TPRG1: variants seen among roughly 807,000 people sequenced by gnomAD.
The protein encoded by TPRG1 is tumor protein p63 regulated 1, also known as tumor protein p63-regulated gene 1 protein.
In TPRG1, 29 loss-of-function variants were observed where a neutral mutation model predicts 29.3. That is an observed-to-expected ratio of 0.99 (90% CI 0.74 to 1.35). The LOEUF (loss-of-function observed/expected upper bound fraction) is 1.35. Among genes scored for constraint, TPRG1 ranks in the 40% most tolerant of loss-of-function variants. TPRG1 has a pLI of 0.00. For synonymous variants in TPRG1, 130 were observed against 116.8 expected (o/e 1.11, Z -0.73); for missense variants, 327 against 335.0 (o/e 0.98, Z 0.19).
chr3:189,152,170 T>C (rs187241387), intron 5 of TPRG1, among the ~76,000 whole-genome samples: 16 of 136,036 alleles, frequency 1.2e-4, no homozygotes, highest in African/African-American at 4.7e-4. Flanking sequence ...TTAAGATCTG[T>C]TTTTTTTTTA....
rs912428688 is a variant in TPRG1 at position 189,250,516 on chromosome 3, C to G, written c.479+11607C>G. ...AGTTCTGATTTCCGCCCCCCCCCCC[C>G]CACCCAGATTAAAGCTTTTGTTAAC... On this transcript the variant is annotated intron_variant, in intron 4 of 5. Coordinates refer to ENST00000345063, the MANE Select transcript of TPRG1 (RefSeq NM_198485.4). Among the ~76,000 whole-genome samples, 3 of 108,364 alleles carry G rather than the reference C, an allele frequency of 2.8e-5. 1 individual carries two copies. Among genetic ancestry groups the G allele is most frequent in the South Asian group, 4.9e-4 (1 of 2,050 alleles). 71.1% of individuals were successfully genotyped at this position (108,364 alleles called of 152,430 possible).
chr3:189,068,665 A>G (rs1716615110), intron 4 of TPRG1, among the ~76,000 whole-genome samples: 1 of 152,088 alleles, frequency 6.6e-6, no homozygotes, highest in Non-Finnish European at 1.5e-5. Context: ...AATCCCAGGT[A>G]CTCAGGAGGT....
intron 1 of TPRG1, among the ~76,000 whole-genome samples, chr3:189,204,212 T>C (rs1162558145): frequency 6.6e-6 from 1 of 152,206 alleles, no homozygotes; most frequent in African/African-American, 2.4e-5. Flanking sequence ...AATGAGTTTG[T>C]TGCAGGGGAT....
chr3:189,028,744 G>A (rs1713789536), intron 4 of TPRG1, among the ~76,000 whole-genome samples: 1 of 152,128 alleles, frequency 6.6e-6, no homozygotes, highest in South Asian at 2.1e-4. Flanking sequence ...GTATGGTAAG[G>A]CCAATAAATA....
At chr3:189,153,471 G>T (rs1050334098) in intron 5 of TPRG1, among the ~76,000 whole-genome samples, 18 of 152,116 alleles carry the variant, frequency 1.2e-4, no homozygotes, top group African/African-American at 4.3e-4. Flanking sequence ...CTGGAGAATT[G>T]TTCCAATCTG....
chr3:189,276,124 G>T (rs1716096173), intron 4 of TPRG1, among the ~76,000 whole-genome samples: 1 of 152,204 alleles, frequency 6.6e-6, no homozygotes, highest in South Asian at 2.1e-4. Context: ...ACACTGAGAG[G>T]GGAAGGCAAG....
chr3:189,271,201 G>A (rs1715067665), intron 4 of TPRG1, among the ~76,000 whole-genome samples: 2 of 152,190 alleles, frequency 1.3e-5, no homozygotes, highest in Non-Finnish European at 2.9e-5. Context: ...GTAACACAGT[G>A]CCTTGAAGGG....
intron 2 of TPRG1, among the ~76,000 whole-genome samples, chr3:189,002,149 T>C (rs1014338247): frequency 6.6e-6 from 1 of 152,218 alleles, no homozygotes; most frequent in Admixed American, 6.5e-5. Context: ...AGGATGGGTA[T>C]AAATTGAAGA....
intron 4 of TPRG1, among the ~76,000 whole-genome samples, chr3:189,305,424 G>C (rs1577019088): frequency 6.6e-6 from 1 of 152,200 alleles, no homozygotes; most frequent in Admixed American, 6.5e-5. Flanking sequence ...CCAACCTGTA[G>C]CTGCTTTTTG....
At chr3:189,004,933 A>C (rs1363418222) in intron 3 of TPRG1, among the ~76,000 whole-genome samples, 1 of 152,114 alleles carries the variant, frequency 6.6e-6, no homozygotes, top group African/African-American at 2.4e-5. Context: ...TGATACAGAC[A>C]TGCAATGTGA....
intron 3 of TPRG1, among the ~76,000 whole-genome samples, chr3:189,137,928 T>A (rs150930365): frequency 1.3e-5 from 2 of 152,144 alleles, no homozygotes; most frequent in Non-Finnish European, 2.9e-5. Flanking sequence ...AGCTGGAAGA[T>A]GTAGCCTTAG....
chr3:189,013,294 A>G (rs1712701984), intron 3 of TPRG1, among the ~76,000 whole-genome samples: 1 of 152,162 alleles, frequency 6.6e-6, no homozygotes, highest in Admixed American at 6.6e-5. Flanking sequence ...TTCATTCAGG[A>G]GCAGGTTGTT....
At chr3:189,028,703 G>A (rs1713787323) in intron 4 of TPRG1, among the ~76,000 whole-genome samples, 2 of 152,130 alleles carry the variant, frequency 1.3e-5, no homozygotes, top group Non-Finnish European at 2.9e-5. Context: ...TGATGTAGTA[G>A]GGGTAAGATG....
chr3:189,039,975 A>G (rs1192069949), intron 4 of TPRG1, among the ~76,000 whole-genome samples: 3 of 152,132 alleles, frequency 2.0e-5, no homozygotes, highest in Non-Finnish European at 4.4e-5. Context: ...AAACCTCAAG[A>G]ATCTACTGGA....
chr3:189,175,288 G>A (rs185895836), intron 1 of TPRG1, among the ~76,000 whole-genome samples: 66 of 152,220 alleles, frequency 4.3e-4, no homozygotes, highest in Non-Finnish European at 7.8e-4. Context: ...CTCAATAGAC[G>A]TGAGAAGAGT....
intron 4 of TPRG1, among the ~76,000 whole-genome samples, chr3:189,265,084 G>T (rs2109056187): frequency 6.6e-6 from 1 of 152,316 alleles, no homozygotes; most frequent in African/African-American, 2.4e-5. Context: ...GAAGCCATTT[G>T]AATTTTGACA....
At chr3:189,176,071 G>T (rs1383108373) in intron 1 of TPRG1, among the ~76,000 whole-genome samples, 1 of 152,120 alleles carries the variant, frequency 6.6e-6, no homozygotes, top group Non-Finnish European at 1.5e-5. Flanking sequence ...GTGGGTGAAG[G>T]GAAAGATTTT....
chr3:189,255,059 G>A lies in TPRG1; in HGVS notation c.479+16150G>A, dbSNP rs528929575. The stretch of plus-strand genomic sequence containing the variant: ...CCCTGGCCAGAACTTCCAATACTAT[G>A]TTGAATAGGAGTGGTGAGAGAGGGC... On this transcript the variant is annotated intron_variant, in intron 4 of 5. Coordinates refer to ENST00000345063, the MANE Select transcript of TPRG1 (RefSeq NM_198485.4). Among the ~76,000 whole-genome samples, 203 of 152,292 alleles carry A rather than the reference G, an allele frequency of 1.3e-3. 1 individual carries two copies. Among genetic ancestry groups the A allele is most frequent in the African/African-American group, 4.4e-3 (183 of 41,552 alleles).
chr3:189,074,620 C>A (rs1449066389), intron 4 of TPRG1, among the ~76,000 whole-genome samples: 1 of 152,036 alleles, frequency 6.6e-6, no homozygotes, highest in African/African-American at 2.4e-5. Context: ...GTTTTTATTT[C>A]TTTTTCCCTG....
Sources: allele counts gnomAD v4.1 joint callset (sites outside exome capture counted in the v4.1 genomes callset), GRCh38; gene constraint gnomAD v4.1.1; transcripts MANE v1.5; gene names NCBI Gene and HGNC (gene_info 2026-07-23, HGNC 2026-07-21).